JMJD1C: variants seen among roughly 807,000 people sequenced by gnomAD.
The protein encoded by JMJD1C is jumonji domain-containing protein 1C.
JMJD1C carries 31 observed loss-of-function variants against 245.3 expected under a neutral mutation model. The ratio of observed to expected loss-of-function variants is 0.13; its 90% CI spans 0.09 to 0.17. The LOEUF is 0.17. Ranked by LOEUF, JMJD1C falls within the 10% of genes least tolerant of loss-of-function variation. The probability of loss-of-function intolerance (pLI) is 1.00; values close to 1 mark genes in which losing one functional copy is unlikely to be tolerated. For synonymous variants in JMJD1C, 1,057 were observed against 1,017.4 expected, an observed-to-expected ratio of 1.04 and a Z score of -0.74; for missense variants, 2,691 against 3,000.2, an observed-to-expected ratio of 0.90 and a Z score of 2.41.
chr10:63,236,550 A>T (rs1272163462), intron 3 of JMJD1C, among the ~76,000 whole-genome samples: 2 of 152,180 alleles, frequency 1.3e-5, no homozygotes, highest in Admixed American at 1.3e-4. Context: ...TTGAGTCATC[A>T]TGAGTTTAAC....
intron 2 of JMJD1C, among the ~76,000 whole-genome samples, chr10:63,281,461 T>C (rs1386243399): frequency 3.3e-5 from 1 of 30,262 alleles, no homozygotes; most frequent in Non-Finnish European, 7.5e-5. Context: ...GCCTGGCCTT[T>C]TTTTTTTTTT....
intron 2 of JMJD1C, among the ~76,000 whole-genome samples, chr10:63,329,602 A>G (rs1394226363): frequency 6.6e-6 from 1 of 152,202 alleles, no homozygotes; most frequent in Non-Finnish European, 1.5e-5. Context: ...ACATAAAAAC[A>G]AATCCACATA....
chr10:63,421,334 C>CAAA (rs1429037342), intron 1 of JMJD1C, among the ~76,000 whole-genome samples: 1 of 151,436 alleles, frequency 6.6e-6, no homozygotes, highest in East Asian at 1.9e-4. Context: ...AACTCCGTCT[C>CAAA]AAAAAAAAGA....
At chr10:63,347,686 GTAGA>G (rs1943975034) in intron 2 of JMJD1C, among the ~76,000 whole-genome samples, 1 of 152,138 alleles carries the variant, frequency 6.6e-6, no homozygotes, top group African/African-American at 2.4e-5. Context: ...GCTGAGATGG[GTAGA>G]TCACCTGAGA....
chr10:63,363,252 CTTTTTTTTTT>C (rs71463517), intron 2 of JMJD1C, among the ~76,000 whole-genome samples: 2 of 99,866 alleles, frequency 2.0e-5, no homozygotes, highest in Admixed American at 2.2e-4. Context: ...TCATACAATT[CTTTTTTTTTT>C]TTTTTTTTTT....
rs568847503 is a variant in JMJD1C, at chr10:63,315,425, A to T, written c.334-50661T>A. On this transcript the variant is annotated intron_variant, in intron 2 of 25. Coordinates refer to ENST00000399262, the MANE Select transcript of JMJD1C (RefSeq NM_032776.3). Reference sequence around the variant, plus strand: ...AGGGTAACTTTTCATCTATTGTAACATTCCTTCTGCCATAAGAACCTTAAC... The same window carrying T: ...AGGGTAACTTTTCATCTATTGTAACTTTCCTTCTGCCATAAGAACCTTAAC... Among the ~76,000 whole-genome samples, 6 of 152,266 alleles carry T rather than the reference A, an allele frequency of 3.9e-5. No individual in the cohort carries two copies. The South Asian group carries it at 1.2e-3, about 32-fold the overall frequency.
At chr10:63,403,096 T>A (rs563960897) in intron 1 of JMJD1C, among the ~76,000 whole-genome samples, 59 of 152,328 alleles carry the variant, frequency 3.9e-4, no homozygotes, top group Non-Finnish European at 7.4e-4. Flanking sequence ...GACCACTCTC[T>A]GGATCTCTGC....
In JMJD1C at chr10:63,191,015, G is replaced by A. The variant is rs780505173; in HGVS notation, c.6170C>T (p.Ser2057Phe). The A allele has an allele frequency of 5.6e-6, 9 of 1,614,060 alleles. No individual in the cohort carries two copies. Among genetic ancestry groups the A allele is most frequent in the Middle Eastern group, 1.7e-4 (1 of 6,060 alleles). Reference protein sequence around the residue: ...SPNGRTSPLVSQNNEQGSTLR... With the variant: ...SPNGRTSPLVFQNNEQGSTLR... ...GGTTGAGCCTTGTTCATTATTCTGG[G>A]ACACAAGAGGTGATGTTCTGCCATT... Residue 2057 changes from serine to phenylalanine, a missense_variant, in exon 17 of 26, where the codon TCC becomes TTC. Transcript: ENST00000399262.
At chr10:63,484,232 GGATGGATA>G (rs1343324673) in intron 1 of JMJD1C, among the ~76,000 whole-genome samples, 263 of 93,958 alleles carry the variant, frequency 2.8e-3, no homozygotes, top group African/African-American at 8.3e-3. Flanking sequence ...ATGGATGGAT[GGATGGATA>G]GATAGATAGA....
intron 1 of JMJD1C, among the ~76,000 whole-genome samples, chr10:63,456,387 T>C (rs1475979107): frequency 6.6e-6 from 1 of 152,134 alleles, no homozygotes; most frequent in East Asian, 1.9e-4. Flanking sequence ...TAGTCCTGTA[T>C]TGCATCAAGA....
At chr10:63,464,854 G>T (rs1193390525) in intron 1 of JMJD1C, among the ~76,000 whole-genome samples, 1 of 152,140 alleles carries the variant, frequency 6.6e-6, no homozygotes, top group African/African-American at 2.4e-5. Flanking sequence ...CAGAAAGAGA[G>T]ATTACCCTCC....
At chr10:63,285,367 G>A (rs1033385938) in intron 2 of JMJD1C, among the ~76,000 whole-genome samples, 6 of 152,092 alleles carry the variant, frequency 3.9e-5, no homozygotes, top group African/African-American at 7.2e-5. Flanking sequence ...ATAACTTACC[G>A]TAAATGGCAA....
chr10:63,262,484 T>C (rs150535253), intron 3 of JMJD1C, among the ~76,000 whole-genome samples: 19 of 152,228 alleles, frequency 1.2e-4, no homozygotes, highest in African/African-American at 3.9e-4. Flanking sequence ...AAAATGCACA[T>C]AGAAAAGCTC....
intron 3 of JMJD1C, among the ~76,000 whole-genome samples, chr10:63,231,142 C>T (rs1849935626): frequency 1.3e-5 from 2 of 152,130 alleles, no homozygotes; most frequent in African/African-American, 4.8e-5. Flanking sequence ...ACTCCCCCCT[C>T]AAGAAAAAAC....
intron 3 of JMJD1C, among the ~76,000 whole-genome samples, chr10:63,244,165 A>T (rs1851869319): frequency 6.6e-6 from 1 of 152,202 alleles, no homozygotes; most frequent in African/African-American, 2.4e-5. Flanking sequence ...TAGACAAAGG[A>T]GATGCCATAT....
chr10:63,313,115 C>G (rs1939455264), intron 2 of JMJD1C, among the ~76,000 whole-genome samples: 1 of 152,140 alleles, frequency 6.6e-6, no homozygotes, highest in African/African-American at 2.4e-5. Flanking sequence ...ATTTCCCCCG[C>G]AAGGCCCCAA....
At chr10:63,392,880 ACACAC>A (rs1564870788) in intron 1 of JMJD1C, among the ~76,000 whole-genome samples, 44 of 148,810 alleles carry the variant, frequency 3.0e-4, no homozygotes, top group South Asian at 1.1e-3. Flanking sequence ...ACACACACAC[ACACAC>A]ACACACACAC....
At chr10:63,230,149 G>C (rs1283665115) in intron 3 of JMJD1C, among the ~76,000 whole-genome samples, 1 of 152,206 alleles carries the variant, frequency 6.6e-6, no homozygotes, top group Non-Finnish European at 1.5e-5. Context: ...GAGGTGGGCA[G>C]ATCACCTGAG....
chr10:63,477,456 G>A (rs536363907), intron 1 of JMJD1C, among the ~76,000 whole-genome samples: 36 of 151,278 alleles, frequency 2.4e-4, no homozygotes, highest in South Asian at 4.2e-4. Context: ...ATACTTATAT[G>A]GTCAATTGAT....
Sources: gnomAD v4.1 joint callset for allele counts (sites outside exome capture counted in the v4.1 genomes callset) on GRCh38, gnomAD v4.1.1 for gene constraint, MANE v1.5 for transcripts, NCBI Gene and HGNC (gene_info 2026-07-23, HGNC 2026-07-21) for gene names.